Variants in RBM27 observed in about 807,000 individuals in gnomAD.
RBM27 encodes the protein RNA-binding protein 27.
A neutral mutation model predicts 135.3 loss-of-function variants in RBM27; 22 were observed. That is an observed-to-expected ratio of 0.16 (90% CI 0.12 to 0.23). RBM27 has a LOEUF of 0.23. RBM27 is among the 10% of genes least tolerant of loss of function. RBM27 has a pLI of 1.00. For synonymous variants in RBM27, 481 were observed against 442.4 expected, an observed-to-expected ratio of 1.09 and a Z score of -1.10; for missense variants, 1,009 against 1,281.0, an observed-to-expected ratio of 0.79 and a Z score of 3.24.
chr5:146,207,956 T>TTTG (rs1554076643), intron 1 of RBM27, among the ~76,000 whole-genome samples: 59 of 142,282 alleles, frequency 4.1e-4, no homozygotes, highest in African/African-American at 1.5e-3. Flanking sequence ...AACAGGTTTT[T>TTTG]TTTTTTTTTT....
chr5:146,217,464 G>GTTTTTT lies in RBM27; in HGVS notation c.60-1499_60-1494dup, dbSNP rs545963169. Among the ~76,000 whole-genome samples, 54 of 70,768 alleles carry GTTTTTT rather than the reference G, an allele frequency of 7.6e-4. 9 individuals are homozygous for GTTTTTT. Among genetic ancestry groups the GTTTTTT allele is most frequent in the African/African-American group, 2.8e-3 (46 of 16,492 alleles). 46.4% of individuals were successfully genotyped at this position (70,768 alleles called of 152,430 possible). A position where few individuals can be genotyped will look rare whatever the true frequency, so the allele number is the denominator to read the frequency against. Reference sequence around the variant, plus strand: ...GATTGATACTCTTGAGCTGAAGCCTGTTTTTTTTTTTTTTTTTTTTTTTTT... The same window carrying GTTTTTT: ...GATTGATACTCTTGAGCTGAAGCCTGTTTTTTTTTTTTTTTTTTTTTTTTTTTTTTT... On this transcript the variant is annotated intron_variant, in intron 1 of 20. Coordinates refer to ENST00000265271, the MANE Select transcript of RBM27 (RefSeq NM_018989.2).
intron 8 of RBM27, among the ~76,000 whole-genome samples, chr5:146,249,303 C>A (rs1344828864): frequency 6.6e-6 from 1 of 152,112 alleles, no homozygotes; most frequent in Non-Finnish European, 1.5e-5. Flanking sequence ...CTTTAACATA[C>A]TACTACATTC....
At chr5:146,269,760 T>C (rs1758782246) in intron 17 of RBM27, among the ~76,000 whole-genome samples, 176 bp downstream of exon 17, 3 of 149,672 alleles carry the variant, frequency 2.0e-5, no homozygotes, top group Non-Finnish European at 4.5e-5. Context: ...TTTTTTTTTT[T>C]TTTTTTAAGA....
At position 146,217,464 on chromosome 5, in the gene RBM27, G is replaced by GTTTTTTTT. The variant is rs545963169; in HGVS notation, c.60-1501_60-1494dup. 6.4e-4 allele frequency among the ~76,000 whole-genome samples: 45 copies of GTTTTTTTT among 70,770 alleles called. 6 individuals are homozygous for GTTTTTTTT. Among genetic ancestry groups the GTTTTTTTT allele is most frequent in the African/African-American group, 2.5e-3 (41 of 16,492 alleles). 46.4% of individuals were successfully genotyped at this position (70,770 alleles called of 152,430 possible). ...GATTGATACTCTTGAGCTGAAGCCT[G>GTTTTTTTT]TTTTTTTTTTTTTTTTTTTTTTTTT... is the stretch of plus-strand genomic sequence containing the variant. On this transcript the variant is annotated intron_variant, in intron 1 of 20. Transcript: ENST00000265271.
At chr5:146,240,322 G>GTCTGTCTGTCTGTCTA (rs1182068533) in intron 8 of RBM27, among the ~76,000 whole-genome samples, 2 of 151,796 alleles carry the variant, frequency 1.3e-5, no homozygotes, top group African/African-American at 2.4e-5. Flanking sequence ...CTGTCTGTCT[G>GTCTGTCTGTCTGTCTA]TCTGTCTGTC....
chr5:146,263,551 C>G lies in RBM27; in HGVS notation c.2251C>G (p.Arg751Gly), dbSNP rs1436172352. ...YVLNKVPVKH[R>G]LGHAGGNQSD... Reference sequence around the variant, plus strand: ...TCTTAACAAAGTTCCTGTTAAACATCGTCTTGGACATGCAGGTGGTAACCA... The same window carrying G: ...TCTTAACAAAGTTCCTGTTAAACATGGTCTTGGACATGCAGGTGGTAACCA... The change falls in exon 14 of 21, where the codon CGT becomes GGT. Residue 751 changes from arginine to glycine, a missense_variant. By Grantham distance (125) the Arg-to-Gly change is moderately radical. This residue lies in a region of RBM27 where 355 missense variants were observed against 427.3 expected (regional missense o/e 0.83). Coordinates refer to ENST00000265271, the MANE Select transcript of RBM27 (RefSeq NM_018989.2). The G allele has an allele frequency of 6.2e-7, 1 of 1,614,080 alleles. No individual in the cohort carries two copies. The highest frequency in any genetic ancestry group is 1.7e-5 in the Admixed American group (1 of 60,022).
chr5:146,229,501 C>T (rs369704203), intron 4 of RBM27, among the ~76,000 whole-genome samples: 5 of 149,186 alleles, frequency 3.4e-5, no homozygotes, highest in East Asian at 4.0e-4. Context: ...TTTGGATTCA[C>T]CTCTTTTTTT....
chr5:146,276,218 T>C (rs981724714), intron 19 of RBM27, among the ~76,000 whole-genome samples: 1 of 152,194 alleles, frequency 6.6e-6, no homozygotes, highest in Non-Finnish European at 1.5e-5. Context: ...ATTTTTTTGT[T>C]ACGGATTTAT....
In RBM27 at chr5:146,254,757, T is replaced by C. The variant is rs373618822; in HGVS notation, c.1445-186T>C. ...GTTTTATATCAAAGTCTTGAACATT[T>C]GTGCATTTTTATATCTGCGGGAGGG... On this transcript the variant is annotated intron_variant, in intron 9 of 20. Coordinates refer to ENST00000265271, the MANE Select transcript of RBM27 (RefSeq NM_018989.2). Among the ~76,000 whole-genome samples, 272 of 152,310 alleles carry C rather than the reference T, an allele frequency of 1.8e-3. 1 individual carries two copies. The highest frequency in any genetic ancestry group is 6.3e-3 in the African/African-American group (260 of 41,580).
intron 15 of RBM27, 117 bp from the exon 16 acceptor site, chr5:146,269,090 G>A: frequency 1.7e-6 from 1 of 603,940 alleles, no homozygotes; most frequent in South Asian, 2.4e-5. Flanking sequence ...TTTCATCTAT[G>A]GTGTCAGCTA....
intron 3 of RBM27, among the ~76,000 whole-genome samples, chr5:146,225,379 C>A (rs1756626875): frequency 6.6e-6 from 1 of 152,102 alleles, no homozygotes; most frequent in Admixed American, 6.6e-5. Context: ...GGCTGATTGA[C>A]CTGATCCAAC....
At chr5:146,275,148 T>G (rs13158001) in intron 19 of RBM27, among the ~76,000 whole-genome samples, 2 of 151,576 alleles carry the variant, frequency 1.3e-5, no homozygotes, top group African/African-American at 4.8e-5. Context: ...GGTATGTTAT[T>G]ATGTTACTTT....
Position 146,288,503 on chromosome 5 carries a change from A to C in RBM27, c.*2473A>C, listed in dbSNP as rs1310364706. 1 of 152,096 alleles carries C rather than the reference A, an allele frequency of 6.6e-6. No homozygotes were observed. Among genetic ancestry groups the C allele is most frequent in the Admixed American group, 6.6e-5 (1 of 15,266 alleles). 9.4% of individuals were successfully genotyped at this position (152,096 alleles called of 1,614,324 possible). The stretch of plus-strand genomic sequence containing the variant: ...CAGGTTAGCATAAAATAGTTTATAT[A>C]TATCCCCTGCCCCCTTTGGGATTTA... On this transcript the variant is annotated 3_prime_UTR_variant, in exon 21 of 21. Coordinates refer to ENST00000265271, the MANE Select transcript of RBM27 (RefSeq NM_018989.2).
chr5:146,269,361 G>T, intron 16 of RBM27, 59 bp from the exon 17 acceptor site: 7 of 1,479,126 alleles, frequency 4.7e-6, no homozygotes, highest in Non-Finnish European at 6.4e-6. Context: ...AATTTTTAAA[G>T]ACTTCTTTAT....
At chr5:146,207,380 ATTTTTTGTAT>A (rs1390958334) in intron 1 of RBM27, among the ~76,000 whole-genome samples, 1 of 150,266 alleles carries the variant, frequency 6.7e-6, no homozygotes, top group African/African-American at 2.4e-5. Context: ...TGCCCGGCTA[ATTTTTTGTAT>A]TTTTTAGTAG....
rs1581252181 is a variant in RBM27 at position 146,284,521 on chromosome 5, C to T, written c.2989-101C>T. The T allele has an allele frequency of 1.0e-5, 8 of 769,388 alleles. No homozygotes were observed. The East Asian group carries it at 1.8e-4, about 17-fold the overall frequency. 47.7% of individuals were successfully genotyped at this position (769,388 alleles called of 1,614,324 possible). On this transcript the variant is annotated intron_variant, in intron 19 of 20. Transcript: ENST00000265271. ...ATTGTAGATCCACCTTAACAGATTT[C>T]TCTCCTGCCCTATGTTATACTTTTT...
intron 7 of RBM27, among the ~76,000 whole-genome samples, chr5:146,235,772 C>T (rs888440082): frequency 6.6e-5 from 10 of 152,066 alleles, no homozygotes; most frequent in African/African-American, 2.2e-4. Context: ...CTGCAACCTC[C>T]GCCTCCCAGG....
intron 14 of RBM27, among the ~76,000 whole-genome samples, chr5:146,265,697 C>T (rs959794104): frequency 5.9e-5 from 9 of 152,222 alleles, no homozygotes; most frequent in African/African-American, 1.9e-4. Context: ...GGACAAAAAA[C>T]AATTTAAAGA....
chr5:146,278,659 T>G (rs1350057236), intron 19 of RBM27, among the ~76,000 whole-genome samples: 4 of 152,182 alleles, frequency 2.6e-5, no homozygotes, highest in Admixed American at 2.6e-4. Context: ...GCATGGTATT[T>G]CATTGCACAG....
Sources: gnomAD v4.1 joint callset for allele counts (sites outside exome capture counted in the v4.1 genomes callset) on GRCh38, gnomAD v4.1.1 for gene constraint, gnomAD v4.1.1 regional missense constraint, MANE v1.5 for transcripts, NCBI Gene and HGNC (gene_info 2026-07-23, HGNC 2026-07-21) for gene names.